Variants in CYP4V2 observed in about 807,000 individuals in gnomAD.
CYP4V2 encodes cytochrome P450 family 4 subfamily V member 2, also known as cytochrome P450 4V2.
Under a neutral mutation model 60.8 loss-of-function variants are expected in CYP4V2, and 55 were observed. The ratio of observed to expected loss-of-function variants is 0.90; its 90% confidence interval spans 0.73 to 1.13. CYP4V2 has a LOEUF of 1.13. Among genes scored for constraint, CYP4V2 ranks in the 50% most tolerant of loss-of-function variants. The pLI is 0.00. For missense variants in CYP4V2, 675 were observed against 662.9 expected (o/e 1.02, Z -0.20); for synonymous variants, 239 against 236.8 (o/e 1.01, Z -0.08).
chr4:186,206,002 C>A (rs1242205023), intron 8 of CYP4V2, among the ~76,000 whole-genome samples: 1 of 152,154 alleles, frequency 6.6e-6, no homozygotes, highest in African/African-American at 2.4e-5. Context: ...TTCTGGACAC[C>A]CGAGTCAAAG....
At chr4:186,196,755 T>C in intron 3 of CYP4V2, 185 bp from the exon 4 acceptor site, 1 of 590,888 alleles carries the variant, frequency 1.7e-6, no homozygotes, top group Non-Finnish European at 2.9e-6. Flanking sequence ...TAGATGAATA[T>C]TTTATAGATA....
intron 8 of CYP4V2, among the ~76,000 whole-genome samples, chr4:186,207,422 A>AAAAG (rs978681425): frequency 0.062 from 8,859 of 142,616 alleles, 1,121 homozygotes; most frequent in African/African-American, 0.22. Context: ...CAAAAAAAAA[A>AAAAG]AAAGAAAGAA....
In CYP4V2 at chr4:186,195,930, C is replaced by A; in HGVS notation, c.328-73C>A. On this transcript the variant is annotated intron_variant, in intron 2 of 10. Coordinates refer to ENST00000378802, the MANE Select transcript of CYP4V2 (RefSeq NM_207352.4). This position sits in a 1 kb window ranked among gnomAD's most constrained non-coding sequence, Gnocchi z 4.1. ...GCCCTAAAAACTAGCTGTATTCTAG[C>A]CAGTATTCCTATAATTACAGGAAGG... 1 of 1,068,458 alleles carries A rather than the reference C, an allele frequency of 9.4e-7. No individual in the cohort carries two copies. Among genetic ancestry groups the A allele is most frequent in the Non-Finnish European group, 1.4e-6 (1 of 693,736 alleles). 66.2% of individuals were successfully genotyped at this position (1,068,458 alleles called of 1,614,324 possible). A position where few individuals can be genotyped will look rare whatever the true frequency, so the allele number is the denominator to read the frequency against.
At chr4:186,201,554 G>C in intron 7 of CYP4V2, 1 of 474,030 alleles carries the variant, frequency 2.1e-6, no homozygotes, top group Non-Finnish European at 3.7e-6. Flanking sequence ...GGGCACAGCA[G>C]TAGACACATT....
At chr4:186,198,178 T>C (rs1171794259) in intron 5 of CYP4V2, among the ~76,000 whole-genome samples, 1 of 152,234 alleles carries the variant, frequency 6.6e-6, no homozygotes. Context: ...GCTGAGTATA[T>C]TTAAGTCTCC....
chr4:186,209,110 A>C lies in CYP4V2; in HGVS notation c.1243A>C (p.Lys415Gln). The C allele has an allele frequency of 1.2e-6, 2 of 1,614,114 alleles. No homozygotes were observed. The highest frequency in any genetic ancestry group is 1.7e-6 in the Non-Finnish European group (2 of 1,180,012). Residue 415 changes from lysine (K) to glutamine (Q), a missense_variant, in exon 10 of 11, where the codon AAA (lysine) becomes CAA (glutamine). By Grantham distance (53) the Lys-to-Gln change is moderately conservative. Coordinates refer to ENST00000378802, the MANE Select transcript of CYP4V2 (RefSeq NM_207352.4). ...DCEVAGYRVL[K>Q]GTEAVIIPYA... ...CTTGACAGCAGGTTACAGAGTTCTA[A>C]AAGGCACTGAAGCCGTCATCATTCC...
At position 186,211,906 on chromosome 4, in the gene CYP4V2, C is replaced by G. The variant is rs1426175934; in HGVS notation, c.*1265C>G. On this transcript the variant is annotated 3_prime_UTR_variant, in exon 11 of 11. Transcript: ENST00000378802. ...TGCACTTATAGTCTTCATTTAATTC[C>G]TCATAGAATCCCAGTCACCTTTATA... 1.3e-5 allele frequency: 2 copies of G among 152,102 alleles called. No individual in the cohort carries two copies. Among genetic ancestry groups the G allele is most frequent in the Non-Finnish European group, 2.9e-5 (2 of 68,038 alleles). 9.4% of individuals were successfully genotyped at this position (152,102 alleles called of 1,614,324 possible).
At chr4:186,197,706 A>C (rs1736195175) in intron 5 of CYP4V2, 104 bp downstream of exon 5, 6 of 1,214,406 alleles carry the variant, frequency 4.9e-6, no homozygotes, top group South Asian at 1.3e-5. Flanking sequence ...TTTCAAAATT[A>C]AACATTAAAC....
intron 1 of CYP4V2, among the ~76,000 whole-genome samples, chr4:186,193,480 C>T (rs1397436832): frequency 1.3e-5 from 2 of 152,152 alleles, no homozygotes; most frequent in Admixed American, 1.3e-4. Context: ...ATCAGGAAAA[C>T]CACTGTTCAA....
At position 186,211,709 on chromosome 4, in the gene CYP4V2, A is replaced by T. The variant is rs970293881; in HGVS notation, c.*1068A>T. 1 of 152,108 alleles carries T rather than the reference A, an allele frequency of 6.6e-6. No homozygotes were observed. The highest frequency in any genetic ancestry group is 1.5e-5 in the Non-Finnish European group (1 of 68,176). The allele number at this position is 152,108 out of a possible 1,614,324, so 9.4% of individuals were successfully genotyped here. A position where few individuals can be genotyped will look rare whatever the true frequency, so the allele number is the denominator to read the frequency against. On this transcript the variant is annotated 3_prime_UTR_variant, in exon 11 of 11. Transcript: ENST00000378802. ...CACACACACACACATACACACATAT[A>T]ATTTGAAAGAGGTGAGTATGTACTC...
rs1735991603 is a variant in CYP4V2, at chr4:186,191,835, C to G, written c.12C>G (p.Leu4=). Residue 4 remains leucine, a synonymous_variant, in exon 1 of 11, where the codon CTC becomes CTG. Transcript: ENST00000378802. ...CGCCAGCCGGGGCGATGGCGGGGCT[C>G]TGGCTGGGGCTCGTGTGGCAGAAGC... MAG[L]WLGLVWQKLL... is the part of the protein sequence containing the mutation. 1.0e-5 allele frequency: 16 copies of G among 1,568,954 alleles called. No homozygotes were observed. The highest frequency in any genetic ancestry group is 1.3e-5 in the Non-Finnish European group (15 of 1,163,620).
chr4:186,210,840 T>C lies in CYP4V2; in HGVS notation c.*199T>C. On this transcript the variant is annotated 3_prime_UTR_variant, in exon 11 of 11. Coordinates refer to ENST00000378802, the MANE Select transcript of CYP4V2 (RefSeq NM_207352.4). ...TATTTTCTTTTTTCTTTTTTCTTTA[T>C]TTTTTTTTTTTGAAACCGTGTCTCA... 3 of 265,760 alleles carry C rather than the reference T, an allele frequency of 1.1e-5. No homozygotes were observed. Among genetic ancestry groups the C allele is most frequent in the South Asian group, 1.5e-4 (2 of 13,506 alleles). The allele number at this position is 265,760 out of a possible 1,614,324, so 16.5% of individuals were successfully genotyped here.
chr4:186,198,849 A>G, intron 5 of CYP4V2, 108 bp from the exon 6 acceptor site: 3 of 1,553,842 alleles, frequency 1.9e-6, no homozygotes, highest in South Asian at 1.1e-5. Context: ...CTCTAAGACA[A>G]TCATCGTCAT....
chr4:186,196,845 C>G, intron 3 of CYP4V2, 95 bp from the exon 4 acceptor site: 1 of 1,298,694 alleles, frequency 7.7e-7, no homozygotes, highest in South Asian at 1.3e-5. Context: ...TGTTGACTTG[C>G]TATATTTATG....
rs199476193 is a variant in CYP4V2, at chr4:186,199,043, A to G, written c.761A>G (p.His254Arg). The G allele has an allele frequency of 6.2e-7, 1 of 1,614,170 alleles. No homozygotes were observed. The highest frequency in any genetic ancestry group is 2.2e-5 in the East Asian group (1 of 44,870). ...CTTATGTTTAAAGAAGGATGGGAAC[A>G]CAAAAAGAGCCTTCAGATCCTACAT... is the stretch of plus-strand genomic sequence containing the variant. ...WYLMFKEGWE[H>R]KKSLQILHTF... Residue 254 changes from histidine to arginine, a missense_variant, in exon 6 of 11, where the codon CAC becomes CGC. His to Arg is a conservative substitution (Grantham distance 29). Transcript: ENST00000378802.
Position 186,199,022 on chromosome 4 carries a change from T to C in CYP4V2, c.740T>C (p.Met247Thr), listed in dbSNP as rs372835618. The change falls in exon 6 of 11, where the codon ATG becomes ACG. Residue 247 changes from methionine (M) to threonine (T), a missense_variant. By Grantham distance (81) the Met-to-Thr change is moderately conservative. Transcript: ENST00000378802. The part of the protein sequence containing the change: ...PWLWLDLWYL[M>T]FKEGWEHKKS... The stretch of plus-strand genomic sequence containing the variant: ...CTTTGGCTTGATCTCTGGTACCTTA[T>C]GTTTAAAGAAGGATGGGAACACAAA... The C allele has an allele frequency of 1.1e-5, 18 of 1,614,034 alleles. No individual in the cohort carries two copies. The highest frequency in any genetic ancestry group is 2.7e-5 in the African/African-American group (2 of 74,942).
At chr4:186,201,826 C>G (rs557265490) in intron 7 of CYP4V2, 1 of 157,140 alleles carries the variant, frequency 6.4e-6, no homozygotes, top group Non-Finnish European at 1.4e-5. Context: ...TCTCTGATCT[C>G]AAATTTATAC....
chr4:186,198,842 TA>T, intron 5 of CYP4V2, 114 bp from the exon 6 acceptor site: 1 of 1,522,706 alleles, frequency 6.6e-7, no homozygotes, highest in Non-Finnish European at 9.0e-7. Context: ...TAGTAGCCTC[TA>T]AGACAATCAT....
intron 4 of CYP4V2, 141 bp downstream of exon 4, chr4:186,197,271 CCTT>C (rs769104744): frequency 1.3e-5 from 14 of 1,074,514 alleles, no homozygotes; most frequent in Non-Finnish European, 1.5e-5. Context: ...ACCGCACTGG[CCTT>C]CTGAGGAGCA....
Sources: allele counts gnomAD v4.1 joint callset (sites outside exome capture counted in the v4.1 genomes callset), GRCh38; gene constraint gnomAD v4.1.1; non-coding constraint Gnocchi (gnomAD v3.1); transcripts MANE v1.5; gene names NCBI Gene and HGNC (gene_info 2026-07-23, HGNC 2026-07-21).